The following PVT1 variants were observed in gnomAD, a reference collection of about 807,000 sequenced individuals.
The protein encoded by PVT1 is Pvt1 oncogene.
intron 3 of PVT1, among the ~76,000 whole-genome samples, chr8:127,891,467 G>C (rs1815601376): frequency 6.6e-6 from 1 of 152,244 alleles, no homozygotes; most frequent in African/African-American, 2.4e-5. Flanking sequence ...TATGTGGGCA[G>C]ATGCATGTGG....
chr8:128,039,888 G>T (rs1287838016), intron 4 of PVT1, among the ~76,000 whole-genome samples: 1 of 152,192 alleles, frequency 6.6e-6, no homozygotes, highest in Non-Finnish European at 1.5e-5. Flanking sequence ...TCAAAGGTAG[G>T]ATTTGCTGGT....
At chr8:128,083,141 G>A (rs528677125) in intron 5 of PVT1, among the ~76,000 whole-genome samples, 13 of 152,252 alleles carry the variant, frequency 8.5e-5, no homozygotes, top group Admixed American at 4.6e-4. Flanking sequence ...TCTGTGACTC[G>A]CTTTTCTCAT....
At chr8:128,029,696 G>A (rs549987959) in intron 4 of PVT1, among the ~76,000 whole-genome samples, 1 of 152,244 alleles carries the variant, frequency 6.6e-6, no homozygotes, top group African/African-American at 2.4e-5. Context: ...CTACTCGGGA[G>A]GCTGAGGCAG....
At chr8:128,002,992 C>CCTTT in intron 4 of PVT1, among the ~76,000 whole-genome samples, 2 of 119,010 alleles carry the variant, frequency 1.7e-5, no homozygotes, top group East Asian at 6.0e-4. Context: ...TTCCTTCCTT[C>CCTTT]CTCCCTTCTT....
chr8:127,899,009 A>T (rs555962665), intron 3 of PVT1, among the ~76,000 whole-genome samples: 2 of 152,294 alleles, frequency 1.3e-5, no homozygotes, highest in South Asian at 4.1e-4. Context: ...GTCACTCAGT[A>T]GCTTGGGACT....
intron 2 of PVT1, among the ~76,000 whole-genome samples, chr8:127,817,444 A>G (rs1020513668): frequency 4.4e-5 from 6 of 137,396 alleles, no homozygotes; most frequent in Non-Finnish European, 6.2e-5. Context: ...TACAGACTCA[A>G]TTTAACCCTT....
chr8:127,821,922 G>C (rs1199420378), intron 2 of PVT1, among the ~76,000 whole-genome samples: 1 of 152,184 alleles, frequency 6.6e-6, no homozygotes, highest in Non-Finnish European at 1.5e-5. Context: ...AGTTGTGCAG[G>C]GTACAATCTG....
chr8:127,800,645 C>A (rs1002490246), intron 2 of PVT1, among the ~76,000 whole-genome samples: 1 of 152,092 alleles, frequency 6.6e-6, no homozygotes, highest in Non-Finnish European at 1.5e-5. Flanking sequence ...GCTTATCTTC[C>A]TAGTATACCA....
chr8:127,855,294 G>A (rs1306858123), intron 2 of PVT1: 3 of 398,568 alleles, frequency 7.5e-6, no homozygotes, highest in Non-Finnish European at 1.3e-5. Context: ...AGCAGCTGGG[G>A]GCCTTGGCTG....
Position 127,941,668 on chromosome 8 carries a change from G to T in PVT1, n.783-47494G>T, listed in dbSNP as rs149021798. On this transcript the variant is annotated intron_variant and non_coding_transcript_variant, in intron 3 of 10. Transcript: ENST00000651587. ...CTATTGTTGGGCATTACTTTTTAAA[G>T]AGTTATTATTTTGTTATTATAGTAT... is the stretch of plus-strand genomic sequence containing the variant. Among the ~76,000 whole-genome samples, 1,075 of 152,312 alleles carry T rather than the reference G, an allele frequency of 7.1e-3. 11 individuals are homozygous for T. Among genetic ancestry groups the T allele is most frequent in the Non-Finnish European group, 7.8e-3 (534 of 68,028 alleles).
chr8:127,956,613 T>C (rs181818396), intron 3 of PVT1, among the ~76,000 whole-genome samples: 68 of 152,290 alleles, frequency 4.5e-4, no homozygotes, highest in Non-Finnish European at 7.8e-4. Context: ...GCCTCCCGAG[T>C]AGCTGAAACT....
At chr8:128,008,544 G>A in intron 4 of PVT1, among the ~76,000 whole-genome samples, 1 of 152,166 alleles carries the variant, frequency 6.6e-6, no homozygotes, top group Non-Finnish European at 1.5e-5. Context: ...TCTCCGAAAT[G>A]GTTTCTGTCT....
At chr8:127,802,581 T>C (rs528143830) in intron 2 of PVT1, among the ~76,000 whole-genome samples, 1 of 152,384 alleles carries the variant, frequency 6.6e-6, no homozygotes, top group East Asian at 1.9e-4. Flanking sequence ...TTTGGATATA[T>C]TGGGTTAAAT....
At chr8:127,940,266 T>C (rs895442615) in intron 3 of PVT1, 1 of 152,148 alleles carries the variant, frequency 6.6e-6, no homozygotes, top group Admixed American at 6.5e-5. Flanking sequence ...CTGAAAATAA[T>C]AACTGCATTT....
chr8:127,887,967 A>T (rs1428340656), intron 2 of PVT1, among the ~76,000 whole-genome samples: 1 of 100,864 alleles, frequency 9.9e-6, no homozygotes, highest in Non-Finnish European at 1.8e-5. Flanking sequence ...TTGAGACTGA[A>T]TCTCACTCTG....
In PVT1 at chr8:128,043,773, T is replaced by TACACAC. The variant is rs112991135; in HGVS notation, n.913-26361_913-26356dup. ...AGTATTATTTTCCCAAACTATTTCC[T>TACACAC]ACACACACACACACACACACACACA... On this transcript the variant is annotated intron_variant and non_coding_transcript_variant, in intron 4 of 10. Transcript: ENST00000651587. Among the ~76,000 whole-genome samples the TACACAC allele has an allele frequency of 9.2e-4, 129 of 140,790 alleles. 2 individuals are homozygous for TACACAC. The highest frequency in any genetic ancestry group is 2.8e-3 in the African/African-American group (103 of 36,204). The allele number at this position is 140,790 out of a possible 152,430, so 92.4% of individuals were successfully genotyped here.
chr8:127,858,668 C>A (rs1815186822), intron 2 of PVT1, among the ~76,000 whole-genome samples: 1 of 151,828 alleles, frequency 6.6e-6, no homozygotes, highest in South Asian at 2.1e-4. Context: ...TCTGGAACTG[C>A]AACTGGCCCA....
chr8:128,079,835 C>T (rs1814151391), intron 5 of PVT1, among the ~76,000 whole-genome samples: 1 of 152,106 alleles, frequency 6.6e-6, no homozygotes, highest in Non-Finnish European at 1.5e-5. Context: ...AGCAATTCTT[C>T]TGCCTCAGCC....
intron 3 of PVT1, chr8:127,940,216 C>T (rs1816331111): frequency 6.6e-6 from 1 of 152,212 alleles, no homozygotes; most frequent in South Asian, 2.1e-4. Context: ...TGCCATAATC[C>T]AGGCCTGGAC....
Sources: gnomAD v4.1 joint callset for allele counts (sites outside exome capture counted in the v4.1 genomes callset) on GRCh38, gnomAD v4.1.1 for gene constraint, MANE v1.5 for transcripts, NCBI Gene and HGNC (gene_info 2026-07-23, HGNC 2026-07-21) for gene names.